Variants in PCGF6 observed in about 807,000 individuals in gnomAD.
The protein encoded by PCGF6 is polycomb group RING finger protein 6.
PCGF6 carries 24 observed loss-of-function variants against 45.5 expected under a neutral mutation model. The observed-to-expected ratio is 0.53, with a 90% CI of 0.38 to 0.74. PCGF6 has a LOEUF of 0.74. PCGF6 is among the 30% of genes least tolerant of loss of function. The pLI is 0.00. For synonymous variants in PCGF6, 152 were observed against 162.1 expected (o/e 0.94, Z 0.47); for missense variants, 356 against 443.2 (o/e 0.80, Z 1.77).
intron 6 of PCGF6, among the ~76,000 whole-genome samples, chr10:103,339,804 AAAAAAAACACACACAC>A (rs1564733133): frequency 2.8e-4 from 11 of 39,914 alleles, no homozygotes; most frequent in African/African-American, 6.4e-4. Context: ...TCTGTCTCAA[AAAAAAAACACACACAC>A]ACACACACAC....
intron 8 of PCGF6, among the ~76,000 whole-genome samples, chr10:103,316,312 A>C (rs1024380046): frequency 2.0e-5 from 3 of 152,154 alleles, no homozygotes; most frequent in Non-Finnish European, 2.9e-5. Context: ...TACTCCAATA[A>C]ATTTTATACA....
chr10:103,349,293 C>A (rs954300094), intron 1 of PCGF6, among the ~76,000 whole-genome samples: 1 of 151,728 alleles, frequency 6.6e-6, no homozygotes, highest in South Asian at 2.1e-4. Context: ...GGTGATCCAC[C>A]CGCCAAGGCC....
Position 103,347,307 on chromosome 10 carries a change from G to C in PCGF6, c.614-10C>G. The C allele has an allele frequency of 6.2e-7, 1 of 1,601,342 alleles. No individual in the cohort carries two copies. The highest frequency in any genetic ancestry group is 8.6e-7 in the Non-Finnish European group (1 of 1,168,722). On this transcript the variant is annotated splice_polypyrimidine_tract_variant and intron_variant, in intron 4 of 9. Coordinates refer to ENST00000369847, the MANE Select transcript of PCGF6 (RefSeq NM_001011663.2). ...ATTTGCTTTTTTTCTCCTAAAAAAT[G>C]ATAAAACACAGACTAAATTACACTT...
chr10:103,319,103 TTCAA>T (rs1450072469), intron 8 of PCGF6, among the ~76,000 whole-genome samples: 8 of 152,216 alleles, frequency 5.3e-5, no homozygotes. Context: ...GTTAAGATTT[TTCAA>T]TCAGTGTGCT....
rs112512798 is a variant in PCGF6 at position 103,323,114 on chromosome 10, A to G, written c.909+3420T>C. ...GTCACTAACCAGCTTTGTCTCTAAC[A>G]AAAACCTAAGAATAACCTCAAGTGT... On this transcript the variant is annotated intron_variant, in intron 8 of 9. Transcript: ENST00000369847. 4.8e-3 allele frequency among the ~76,000 whole-genome samples: 734 copies of G among 152,252 alleles called. 2 individuals are homozygous for G. Among genetic ancestry groups the G allele is most frequent in the African/African-American group, 0.015 (627 of 41,550 alleles).
intron 6 of PCGF6, among the ~76,000 whole-genome samples, chr10:103,335,792 C>G (rs369501380): frequency 6.6e-6 from 1 of 151,550 alleles, no homozygotes; most frequent in Non-Finnish European, 1.5e-5. Context: ...ATAATGAAAC[C>G]CCGTCTCTCC....
At chr10:103,311,817 G>A (rs967393213) in intron 9 of PCGF6, among the ~76,000 whole-genome samples, 20 of 151,992 alleles carry the variant, frequency 1.3e-4, no homozygotes, top group Admixed American at 4.6e-4. Context: ...AGCCACGTGT[G>A]GTGGCTCATG....
intron 9 of PCGF6, 118 bp from the exon 10 acceptor site, chr10:103,304,079 A>T: frequency 1.3e-6 from 1 of 756,956 alleles, no homozygotes; most frequent in East Asian, 2.7e-5. Flanking sequence ...AAATTCTTTA[A>T]TTTAAAGAAA....
rs113035424 is a variant in PCGF6 at position 103,327,625 on chromosome 10, C to T, written c.811-993G>A. 5.7e-3 allele frequency among the ~76,000 whole-genome samples: 872 copies of T among 151,858 alleles called. 3 individuals are homozygous for T. Among genetic ancestry groups the T allele is most frequent in the African/African-American group, 0.019 (771 of 41,430 alleles). ...GGAGTTCATTATACTATTCTGCCTA[C>T]TTTTGTATAAGTTTTAAAATTTTCA... is the stretch of plus-strand genomic sequence containing the variant. On this transcript the variant is annotated intron_variant, in intron 7 of 9. Transcript: ENST00000369847.
chr10:103,350,318 A>G (rs1050436259), intron 1 of PCGF6, among the ~76,000 whole-genome samples: 3 of 151,052 alleles, frequency 2.0e-5, no homozygotes, highest in African/African-American at 7.3e-5. Flanking sequence ...GCGTGCCTGT[A>G]GTCCCAGCTA....
chr10:103,326,957 A>G (rs925075009), intron 7 of PCGF6, among the ~76,000 whole-genome samples: 1 of 152,176 alleles, frequency 6.6e-6, no homozygotes, highest in African/African-American at 2.4e-5. Flanking sequence ...CTTACACTTT[A>G]AAGACACAGA....
intron 9 of PCGF6, among the ~76,000 whole-genome samples, chr10:103,305,482 G>A (rs930458077): frequency 1.3e-5 from 2 of 151,910 alleles, no homozygotes; most frequent in African/African-American, 4.8e-5. Flanking sequence ...TGTTGGCCAG[G>A]CTGGTCCCGA....
At chr10:103,311,237 G>A (rs980776524) in intron 9 of PCGF6, among the ~76,000 whole-genome samples, 10 of 151,948 alleles carry the variant, frequency 6.6e-5, no homozygotes, top group African/African-American at 1.9e-4. Context: ...TGCCTCCCGG[G>A]TTCAAGCGAT....
intron 9 of PCGF6, among the ~76,000 whole-genome samples, chr10:103,307,449 C>CA (rs374766975): frequency 4.3e-4 from 62 of 145,374 alleles, no homozygotes; most frequent in Middle Eastern, 3.4e-3. Context: ...GACCCTGTCT[C>CA]AAAAAAAAAA....
rs186691786 is a variant in PCGF6, at chr10:103,312,034, G to A, written c.996+2152C>T. Among the ~76,000 whole-genome samples, 148 of 126,970 alleles carry A rather than the reference G, an allele frequency of 1.2e-3. 2 individuals carry two copies. In the South Asian group the frequency reaches 0.028, roughly 24 times the overall value. 83.3% of individuals were successfully genotyped at this position (126,970 alleles called of 152,430 possible). ...CCAGGAGGAGGAGGTGCAGTGAGCC[G>A]AAATCACGCCACTGCACTCCAGCCT... On this transcript the variant is annotated intron_variant, in intron 9 of 9. Coordinates refer to ENST00000369847, the MANE Select transcript of PCGF6 (RefSeq NM_001011663.2).
Position 103,341,733 on chromosome 10 carries a change from T to C in PCGF6, c.782+3291A>G, listed in dbSNP as rs558794046. The stretch of plus-strand genomic sequence containing the variant: ...TGCTGGGATTACAGGCGAGAGCCAC[T>C]GCGCCCGGCCAACTCTTTAATTTTC... On this transcript the variant is annotated intron_variant, in intron 6 of 9. Transcript: ENST00000369847. Among the ~76,000 whole-genome samples, 54 of 151,970 alleles carry C rather than the reference T, an allele frequency of 3.6e-4. 1 individual carries two copies. In the South Asian group the frequency reaches 0.011, roughly 31 times the overall value.
intron 8 of PCGF6, among the ~76,000 whole-genome samples, chr10:103,319,564 T>G (rs915360817): frequency 4.6e-5 from 7 of 152,184 alleles, no homozygotes; most frequent in Admixed American, 4.6e-4. Context: ...TCTCCACTGT[T>G]GCATTCATTA....
intron 8 of PCGF6, among the ~76,000 whole-genome samples, chr10:103,320,522 T>C (rs909075875): frequency 7.9e-5 from 12 of 151,986 alleles, no homozygotes; most frequent in African/African-American, 2.9e-4. Flanking sequence ...CTCTGTCTAC[T>C]AAAAAAACTA....
At chr10:103,312,871 G>A (rs1233748420) in intron 9 of PCGF6, among the ~76,000 whole-genome samples, 2 of 152,132 alleles carry the variant, frequency 1.3e-5, no homozygotes, top group South Asian at 2.1e-4. Context: ...TGAGGCAGGA[G>A]AATGGCGTGA....
Sources: gnomAD v4.1 joint callset for allele counts (sites outside exome capture counted in the v4.1 genomes callset) on GRCh38, gnomAD v4.1.1 for gene constraint, MANE v1.5 for transcripts, NCBI Gene and HGNC (gene_info 2026-07-23, HGNC 2026-07-21) for gene names.